The following ERI1 variants were observed in gnomAD, a reference collection of about 807,000 sequenced individuals.
The protein encoded by ERI1 is 3'-5' exoribonuclease 1.
ERI1 carries 39 observed loss-of-function variants against 39.7 expected under a neutral mutation model. That is an observed-to-expected ratio of 0.98 (90% confidence interval 0.76 to 1.28). ERI1 has a LOEUF of 1.28. Among genes scored for constraint, ERI1 ranks in the 50% most tolerant of loss-of-function variants. ERI1 has a pLI of 0.00. For missense variants in ERI1, 581 were observed against 416.9 expected, an observed-to-expected ratio of 1.39 and a Z score of -3.43; for synonymous variants, 204 against 149.6, an observed-to-expected ratio of 1.36 and a Z score of -2.65.
At chr8:9,073,418 G>A (rs576393053) in intron 3 of ERI1, among the ~76,000 whole-genome samples, 1 of 152,316 alleles carries the variant, frequency 6.6e-6, no homozygotes, top group South Asian at 2.1e-4. Context: ...ACAGTTGGGG[G>A]TGTCTGGGGG....
intron 3 of ERI1, among the ~76,000 whole-genome samples, chr8:9,077,355 A>G (rs1052082189): frequency 6.6e-6 from 1 of 152,204 alleles, no homozygotes; most frequent in Non-Finnish European, 1.5e-5. Context: ...TTACCTTCTG[A>G]AGGTTCAATA....
intron 3 of ERI1, among the ~76,000 whole-genome samples, chr8:9,083,000 A>T (rs987913760): frequency 6.6e-6 from 1 of 152,242 alleles, no homozygotes; most frequent in Non-Finnish European, 1.5e-5. Flanking sequence ...AATTTTTAAC[A>T]TAGGCATTTC....
rs749257427 is a variant in ERI1, at chr8:9,007,932, ATCCTTTTTTTTT to A, written c.109-36_109-25del. ...GATGTTTGTACTAATTATAAACTAC[ATCCTTTTTTTTT>A]TTTTTTTTTTTTTTTTTTTTGGTAG... On this transcript the variant is annotated intron_variant, in intron 1 of 6. Transcript: ENST00000250263. 2.2e-4 allele frequency: 337 copies of A among 1,529,342 alleles called. 3 individuals carry two copies. The highest frequency in any genetic ancestry group is 5.9e-4 in the Admixed American group (25 of 42,520). 94.7% of individuals were successfully genotyped at this position (1,529,342 alleles called of 1,614,324 possible).
intron 3 of ERI1, among the ~76,000 whole-genome samples, chr8:9,079,372 C>G (rs564037614): frequency 6.6e-6 from 1 of 152,320 alleles, no homozygotes; most frequent in South Asian, 2.1e-4. Flanking sequence ...AGACCGTTTT[C>G]ATTTTCCCTA....
At chr8:9,008,192 C>T (rs774866078) in intron 2 of ERI1, 44 bp downstream of exon 2, 23 of 1,400,050 alleles carry the variant, frequency 1.6e-5, no homozygotes, top group Non-Finnish European at 2.2e-5. Flanking sequence ...AGTACATGCT[C>T]ATTTTAGAAA....
rs1366473076 is a variant in ERI1, at chr8:9,031,762, TG to T, written c.*1729del. 6.6e-6 allele frequency: 1 copy of T among 152,178 alleles called. No individual in the cohort carries two copies. Among genetic ancestry groups the T allele is most frequent in the East Asian group, 1.9e-4 (1 of 5,198 alleles). 9.4% of individuals were successfully genotyped at this position (152,178 alleles called of 1,614,324 possible). A position where few individuals can be genotyped will look rare whatever the true frequency, so the allele number is the denominator to read the frequency against. ...ATAAGCTCTCAGTACCCTATTTTGT[TG>T]TTGTTGTTGTTTGAGACAGAGTTTT... On this transcript the variant is annotated 3_prime_UTR_variant, in exon 7 of 7. Transcript: ENST00000250263.
intron 3 of ERI1, 134 bp from the exon 4 acceptor site, chr8:9,016,188 T>C (rs936618242): frequency 6.7e-6 from 3 of 449,756 alleles, no homozygotes; most frequent in African/African-American, 6.0e-5. Flanking sequence ...TGGGGAATTA[T>C]TCTTAAAAAC....
chr8:9,029,104 T>A (rs1185703573), intron 6 of ERI1, among the ~76,000 whole-genome samples: 2 of 152,182 alleles, frequency 1.3e-5, no homozygotes, highest in South Asian at 2.1e-4. Flanking sequence ...CTAGTCTTTT[T>A]ATCTAAGAAA....
At chr8:9,097,985 T>C (rs1337541756) in intron 3 of ERI1, among the ~76,000 whole-genome samples, 1 of 152,202 alleles carries the variant, frequency 6.6e-6, no homozygotes, top group East Asian at 1.9e-4. Context: ...CTGAGTGGAA[T>C]TGGAGACCAT....
chr8:9,027,136 GGTGTGTGTGTGTATGTGTGTGTGTGT>G (rs1797224614), intron 6 of ERI1, among the ~76,000 whole-genome samples: 1 of 137,502 alleles, frequency 7.3e-6, no homozygotes, highest in African/African-American at 2.8e-5. Flanking sequence ...GTTATTTTCT[GGTGTGTGTGTGTATGTGTGTGTGTGT>G]GTGTGTGTGT....
intron 2 of ERI1, among the ~76,000 whole-genome samples, chr8:9,010,851 T>C (rs1284270255): frequency 6.6e-6 from 1 of 152,220 alleles, no homozygotes; most frequent in African/African-American, 2.4e-5. Flanking sequence ...ATTTTAAAGC[T>C]ACCTATAATA....
chr8:9,072,814 G>GAGGGTC lies in ERI1; in HGVS notation n.300-43519_300-43514dup, dbSNP rs111483414. Among the ~76,000 whole-genome samples, 1,141 of 152,274 alleles carry GAGGGTC rather than the reference G, an allele frequency of 7.5e-3. 12 individuals carry two copies. Among genetic ancestry groups the GAGGGTC allele is most frequent in the African/African-American group, 0.025 (1,044 of 41,524 alleles). On this transcript the variant is annotated intron_variant and non_coding_transcript_variant, in intron 3 of 3. Transcript: ENST00000518663. The stretch of plus-strand genomic sequence containing the variant: ...AGAAGCAGCCCCAGAGAGAGAAGCA[G>GAGGGTC]AGGGTCAGGGTCAGGGTCAGCACCG...
chr8:9,081,987 C>G (rs1047944741), intron 3 of ERI1, among the ~76,000 whole-genome samples: 1 of 152,202 alleles, frequency 6.6e-6, no homozygotes, highest in Admixed American at 6.5e-5. Context: ...CTGCCTTCAT[C>G]TTAGTCCATC....
Position 9,086,142 on chromosome 8 carries a change from G to C in ERI1, n.300-30206G>C, listed in dbSNP as rs1030078651. On this transcript the variant is annotated intron_variant and non_coding_transcript_variant, in intron 3 of 3. Coordinates refer to the ERI1 transcript ENST00000518663. ...AAAACAGGGATAGCGGGCCAGGTGT[G>C]GTGGCTCACACCTATAATCCCAGAA... Among the ~76,000 whole-genome samples, 13 of 152,256 alleles carry C rather than the reference G, an allele frequency of 8.5e-5. 1 individual carries two copies. Among genetic ancestry groups the C allele is most frequent in the African/African-American group, 2.6e-4 (11 of 41,548 alleles).
chr8:9,080,188 G>C (rs1799327155), intron 3 of ERI1, among the ~76,000 whole-genome samples: 1 of 152,144 alleles, frequency 6.6e-6, no homozygotes, highest in African/African-American at 2.4e-5. Flanking sequence ...AGTTTTAAGA[G>C]GGGAGTAGGA....
chr8:9,090,809 T>C (rs938093039), intron 3 of ERI1, among the ~76,000 whole-genome samples: 3 of 152,102 alleles, frequency 2.0e-5, no homozygotes, highest in African/African-American at 7.2e-5. Flanking sequence ...CAATGAACTT[T>C]CCAGTATAAT....
chr8:9,081,750 T>C (rs184372872), intron 3 of ERI1, among the ~76,000 whole-genome samples: 1 of 151,426 alleles, frequency 6.6e-6, no homozygotes, highest in Non-Finnish European at 1.5e-5. Context: ...GGGAGTTTAA[T>C]AGGCAAGAAA....
rs139687438 is a variant in ERI1, at chr8:9,024,622, C to G, written c.807+4158C>G. The stretch of plus-strand genomic sequence containing the variant: ...TATTTTTAGTAGAGACTGGCTTTCA[C>G]TATGTTGGCCAGGCTGGTTTTGAAC... On this transcript the variant is annotated intron_variant, in intron 6 of 6. Transcript: ENST00000250263. Among the ~76,000 whole-genome samples, 1,008 of 152,194 alleles carry G rather than the reference C, an allele frequency of 6.6e-3. 12 individuals are homozygous for G. The highest frequency in any genetic ancestry group is 0.023 in the African/African-American group (949 of 41,524).
At chr8:9,079,107 T>C (rs959629854) in intron 3 of ERI1, among the ~76,000 whole-genome samples, 1 of 152,034 alleles carries the variant, frequency 6.6e-6, no homozygotes, top group East Asian at 1.9e-4. Flanking sequence ...TCAGAAAAAC[T>C]CATAGGGAGG....
Sources: gnomAD v4.1 joint callset for allele counts (sites outside exome capture counted in the v4.1 genomes callset) on GRCh38, gnomAD v4.1.1 for gene constraint, MANE v1.5 for transcripts, NCBI Gene and HGNC (gene_info 2026-07-23, HGNC 2026-07-21) for gene names.